Variants in KIAA1958 observed in about 807,000 individuals in gnomAD.
The protein encoded by KIAA1958 is uncharacterized protein KIAA1958.
Under a neutral mutation model 47.2 loss-of-function variants are expected in KIAA1958, and 14 were observed. The ratio of observed to expected loss-of-function variants is 0.30; its 90% confidence interval spans 0.20 to 0.46. KIAA1958 has a LOEUF of 0.46. Ranked by LOEUF, KIAA1958 falls within the 20% of genes least tolerant of loss-of-function variation. The pLI is 1.00. For synonymous variants in KIAA1958, 354 were observed against 353.3 expected, an observed-to-expected ratio of 1.00 and a Z score of -0.02; for missense variants, 803 against 909.2, an observed-to-expected ratio of 0.88 and a Z score of 1.50.
intron 1 of KIAA1958, among the ~76,000 whole-genome samples, chr9:112,573,791 C>T (rs1218759694): frequency 1.3e-5 from 2 of 152,078 alleles, no homozygotes; most frequent in Admixed American, 6.6e-5. Flanking sequence ...TCCTTTCTTT[C>T]CCCCCTTAGG....
chr9:112,560,287 A>G lies in KIAA1958; in HGVS notation c.-24-13770A>G, dbSNP rs1194687208. Among the ~76,000 whole-genome samples, 4 of 150,308 alleles carry G rather than the reference A, an allele frequency of 2.7e-5. No homozygotes were observed. In the East Asian group the frequency reaches 7.8e-4, roughly 29 times the overall value. ...ATGATCATAGTGCACTATAACCTCAAACTCCTAGGCATAAGCAGTCGTCCT... is the reference window on the plus strand; with the variant it reads ...ATGATCATAGTGCACTATAACCTCAGACTCCTAGGCATAAGCAGTCGTCCT... On this transcript the variant is annotated intron_variant, in intron 1 of 3. Coordinates refer to ENST00000337530, the MANE Select transcript of KIAA1958 (RefSeq NM_133465.4).
rs1837365967 is a variant in KIAA1958 at position 112,667,492 on chromosome 9, C to T, written c.*7423C>T. The T allele has an allele frequency of 1.3e-5, 2 of 152,172 alleles. No individual in the cohort carries two copies. Among genetic ancestry groups the T allele is most frequent in the South Asian group, 4.1e-4 (2 of 4,824 alleles). The allele number at this position is 152,172 out of a possible 1,614,324, so 9.4% of individuals were successfully genotyped here. ...TCGGGAGGCTGAGGCGGGAGAATCG[C>T]TTGAACCCAGGAGGCGGAGGTTTCA... On this transcript the variant is annotated 3_prime_UTR_variant, in exon 4 of 4. Transcript: ENST00000337530.
chr9:112,639,587 TTAACCTGCTTA>T (rs1836861703), intron 2 of KIAA1958, among the ~76,000 whole-genome samples: 1 of 152,170 alleles, frequency 6.6e-6, no homozygotes, highest in South Asian at 2.1e-4. Flanking sequence ...GATGCCCTTC[TTAACCTGCTTA>T]GATTATGGCA....
chr9:112,621,934 G>A (rs1836515559), intron 2 of KIAA1958, among the ~76,000 whole-genome samples: 1 of 152,110 alleles, frequency 6.6e-6, no homozygotes, highest in South Asian at 2.1e-4. Context: ...TAGAGATGGG[G>A]TCTCACTGTG....
chr9:112,504,652 TATC>T (rs1024956034), intron 1 of KIAA1958, among the ~76,000 whole-genome samples: 17 of 152,314 alleles, frequency 1.1e-4, no homozygotes, highest in African/African-American at 3.6e-4. Context: ...TACCTAATCT[TATC>T]ATAAAGATAA....
At chr9:112,641,003 T>G (rs1836880590) in intron 2 of KIAA1958, among the ~76,000 whole-genome samples, 1 of 152,176 alleles carries the variant, frequency 6.6e-6, no homozygotes, top group Admixed American at 6.5e-5. Flanking sequence ...AAAAAAACCT[T>G]CAATGAGATA....
intron 1 of KIAA1958, among the ~76,000 whole-genome samples, chr9:112,497,853 C>T (rs1423017138): frequency 6.6e-6 from 1 of 152,050 alleles, no homozygotes; most frequent in Non-Finnish European, 1.5e-5. Flanking sequence ...GAGGAGAGTC[C>T]AAAACTCAGC....
rs184222843 is a variant in KIAA1958 at position 112,516,587 on chromosome 9, T to C, written c.-25+29469T>C. The stretch of plus-strand genomic sequence containing the variant: ...GTTAATATTTCAGCAAAGTTTTTAG[T>C]AGAAATTGACAAACTGATTATAAAG... On this transcript the variant is annotated intron_variant, in intron 1 of 3. Transcript: ENST00000337530. Among the ~76,000 whole-genome samples the C allele has an allele frequency of 2.5e-3, 387 of 152,332 alleles. 2 individuals carry two copies. Among genetic ancestry groups the C allele is most frequent in the African/African-American group, 9.0e-3 (376 of 41,586 alleles).
intron 1 of KIAA1958, among the ~76,000 whole-genome samples, chr9:112,524,477 A>G (rs967162546): frequency 1.3e-5 from 2 of 152,278 alleles, no homozygotes; most frequent in Non-Finnish European, 2.9e-5. Context: ...TACATATAAC[A>G]TAAAATTTAC....
intron 2 of KIAA1958, among the ~76,000 whole-genome samples, chr9:112,583,453 A>G (rs571233548): frequency 6.6e-6 from 1 of 152,344 alleles, no homozygotes; most frequent in East Asian, 1.9e-4. Context: ...GTATCATACA[A>G]CCTTGGAATT....
rs758045906 is a variant in KIAA1958, at chr9:112,645,611, G to A, written c.1172-39G>A. On this transcript the variant is annotated intron_variant, in intron 2 of 3. Transcript: ENST00000337530. Reference sequence around the variant, plus strand: ...GATGTAATTCTCTAAAGAAGGGAATGGCAAATTATTTTAATGCTTTTATTG... The same window carrying A: ...GATGTAATTCTCTAAAGAAGGGAATAGCAAATTATTTTAATGCTTTTATTG... The A allele has an allele frequency of 2.1e-6, 3 of 1,421,904 alleles. No homozygotes were observed. In the Admixed American group the frequency reaches 6.1e-5, roughly 29 times the overall value. The allele number at this position is 1,421,904 out of a possible 1,614,324, so 88.1% of individuals were successfully genotyped here.
chr9:112,622,206 T>C (rs1227979073), intron 2 of KIAA1958, among the ~76,000 whole-genome samples: 1 of 152,208 alleles, frequency 6.6e-6, no homozygotes, highest in Non-Finnish European at 1.5e-5. Context: ...TAGCAAAAAA[T>C]CAACAGTCCA....
At chr9:112,494,575 T>TTAG (rs1413982689) in intron 1 of KIAA1958, among the ~76,000 whole-genome samples, 25 of 151,898 alleles carry the variant, frequency 1.6e-4, no homozygotes, top group Non-Finnish European at 3.4e-4. Context: ...CCTCAGGTGA[T>TTAG]CCTCCCAGTT....
chr9:112,518,689 T>C (rs1056334566), intron 1 of KIAA1958, among the ~76,000 whole-genome samples: 3 of 152,198 alleles, frequency 2.0e-5, no homozygotes, highest in African/African-American at 7.2e-5. Flanking sequence ...TCAAAACTTA[T>C]CAAATTGTAC....
chr9:112,535,946 G>T (rs1834848538), intron 1 of KIAA1958, among the ~76,000 whole-genome samples: 1 of 152,080 alleles, frequency 6.6e-6, no homozygotes, highest in East Asian at 1.9e-4. Context: ...TTTTCTTCAT[G>T]GCTCTGGTGG....
At chr9:112,533,679 G>C (rs1834806488) in intron 1 of KIAA1958, among the ~76,000 whole-genome samples, 1 of 151,934 alleles carries the variant, frequency 6.6e-6, no homozygotes, top group South Asian at 2.1e-4. Flanking sequence ...ATGGTGGAAG[G>C]CACCTTTTCA....
chr9:112,621,826 G>C (rs886428804), intron 2 of KIAA1958, among the ~76,000 whole-genome samples: 1 of 152,092 alleles, frequency 6.6e-6, no homozygotes, highest in Non-Finnish European at 1.5e-5. Flanking sequence ...ATAGCTCACT[G>C]TCAACCTCAA....
intron 1 of KIAA1958, among the ~76,000 whole-genome samples, chr9:112,536,817 C>T (rs1455194964): frequency 6.6e-6 from 1 of 152,024 alleles, no homozygotes; most frequent in African/African-American, 2.4e-5. Context: ...AATCTTGTAT[C>T]ATACACTAAA....
chr9:112,610,942 G>T (rs1408639736), intron 2 of KIAA1958, among the ~76,000 whole-genome samples: 1 of 152,076 alleles, frequency 6.6e-6, no homozygotes, highest in African/African-American at 2.4e-5. Context: ...TTCTACATTA[G>T]GAAATCTTTT....
Sources: allele counts gnomAD v4.1 joint callset (sites outside exome capture counted in the v4.1 genomes callset), GRCh38; gene constraint gnomAD v4.1.1; transcripts MANE v1.5; gene names NCBI Gene and HGNC (gene_info 2026-07-23, HGNC 2026-07-21).